Variants in CEP70 observed in about 807,000 individuals in gnomAD.
The protein encoded by CEP70 is centrosomal protein 70, also known as centrosomal protein of 70 kDa.
A neutral mutation model predicts 90.9 loss-of-function variants in CEP70; 70 were observed. The observed-to-expected ratio is 0.77, with a 90% confidence interval of 0.64 to 0.94. The LOEUF is 0.94. Ranked by LOEUF, CEP70 falls within the 40% of genes least tolerant of loss-of-function variation. CEP70 has a pLI of 0.00. For synonymous variants in CEP70, 220 were observed against 228.3 expected (o/e 0.96, Z 0.33); for missense variants, 648 against 669.0 (o/e 0.97, Z 0.35).
chr3:138,577,334 A>G (rs1466734733), intron 2 of CEP70, among the ~76,000 whole-genome samples: 1 of 152,208 alleles, frequency 6.6e-6, no homozygotes, highest in African/African-American at 2.4e-5. Flanking sequence ...TAGAACTTAA[A>G]GTATAATAAA....
intron 2 of CEP70, among the ~76,000 whole-genome samples, chr3:138,573,411 T>G (rs999845133): frequency 1.3e-5 from 2 of 149,646 alleles, no homozygotes; most frequent in African/African-American, 4.9e-5. Context: ...AAAAAAAAAG[T>G]CAGTCATACC....
intron 6 of CEP70, 35 bp downstream of exon 6, chr3:138,570,279 TACTA>T (rs745961896): frequency 2.9e-6 from 4 of 1,369,978 alleles, no homozygotes; most frequent in Non-Finnish European, 4.0e-6. Context: ...GCTGTTTTAG[TACTA>T]ACTAACCATC....
intron 12 of CEP70, among the ~76,000 whole-genome samples, chr3:138,506,099 A>G (rs1286428845): frequency 1.3e-5 from 2 of 152,210 alleles, no homozygotes; most frequent in Non-Finnish European, 2.9e-5. Flanking sequence ...GAAACTCTTC[A>G]CCCTCAAATA....
At chr3:138,546,785 T>C (rs1347946748) in intron 6 of CEP70, among the ~76,000 whole-genome samples, 1 of 151,870 alleles carries the variant, frequency 6.6e-6, no homozygotes, top group East Asian at 1.9e-4. Context: ...CAAAAAACAC[T>C]ATCACCCTTA....
chr3:138,558,331 C>CT (rs2040171879), intron 6 of CEP70, among the ~76,000 whole-genome samples: 1 of 152,114 alleles, frequency 6.6e-6, no homozygotes, highest in Non-Finnish European at 1.5e-5. Flanking sequence ...CACCACTGCA[C>CT]TCCAGGCTGA....
At chr3:138,522,059 T>G (rs552974825) in intron 11 of CEP70, among the ~76,000 whole-genome samples, 1 of 152,290 alleles carries the variant, frequency 6.6e-6, no homozygotes, top group Admixed American at 6.5e-5. Context: ...AAGATGTGCT[T>G]TGTTAAACAG....
intron 8 of CEP70, chr3:138,530,762 C>T (rs1382668325): frequency 3.0e-6 from 3 of 985,284 alleles, no homozygotes; most frequent in Admixed American, 1.2e-4. Flanking sequence ...TGAATTGTTA[C>T]ATCCTCCTGT....
chr3:138,589,388 C>G (rs2042261981), intron 2 of CEP70, among the ~76,000 whole-genome samples: 1 of 151,762 alleles, frequency 6.6e-6, no homozygotes, highest in African/African-American at 2.4e-5. Flanking sequence ...GGCGTAGTGG[C>G]TCATGCCTGT....
intron 7 of CEP70, among the ~76,000 whole-genome samples, chr3:138,535,469 T>C (rs570458642): frequency 6.6e-6 from 1 of 152,360 alleles, no homozygotes; most frequent in South Asian, 2.1e-4. Context: ...ACCAGGTCAC[T>C]GAATGCAGGA....
intron 2 of CEP70, among the ~76,000 whole-genome samples, chr3:138,584,502 C>T (rs1180154494): frequency 7.0e-6 from 1 of 143,644 alleles, no homozygotes; most frequent in Non-Finnish European, 1.5e-5. Flanking sequence ...GAAAAACCTA[C>T]AGGCCAATAT....
Position 138,498,171 on chromosome 3 carries a change from C to T in CEP70, c.1653-61G>A, listed in dbSNP as rs1196131569. Reference sequence around the variant, plus strand: ...AACTTTGGGTTCTTGCATCTGATTGCAAACAGAACATTTTCAAAATAGAAA... The same window carrying T: ...AACTTTGGGTTCTTGCATCTGATTGTAAACAGAACATTTTCAAAATAGAAA... On this transcript the variant is annotated intron_variant, in intron 16 of 17. Coordinates refer to ENST00000264982, the MANE Select transcript of CEP70 (RefSeq NM_024491.4). 3.4e-6 allele frequency: 4 copies of T among 1,163,016 alleles called. No homozygotes were observed. In the African/African-American group the frequency reaches 6.2e-5, roughly 18 times the overall value. 72.0% of individuals were successfully genotyped at this position (1,163,016 alleles called of 1,614,324 possible).
At chr3:138,577,093 G>A (rs968285626) in intron 2 of CEP70, among the ~76,000 whole-genome samples, 4 of 152,112 alleles carry the variant, frequency 2.6e-5, no homozygotes, top group Non-Finnish European at 5.9e-5. Flanking sequence ...ACTATCGCAA[G>A]GATAGAAAAC....
intron 2 of CEP70, among the ~76,000 whole-genome samples, chr3:138,573,786 G>A (rs780771872): frequency 6.6e-6 from 1 of 152,190 alleles, no homozygotes; most frequent in Non-Finnish European, 1.5e-5. Context: ...AGTGTTCTAA[G>A]TTTGTTTACA....
chr3:138,577,909 A>C (rs556661832), intron 2 of CEP70, among the ~76,000 whole-genome samples: 1 of 152,378 alleles, frequency 6.6e-6, no homozygotes, highest in South Asian at 2.1e-4. Context: ...AGCAGTTAAA[A>C]GTAAGAGAAT....
At chr3:138,556,176 A>C (rs2039989343) in intron 6 of CEP70, among the ~76,000 whole-genome samples, 2 of 152,306 alleles carry the variant, frequency 1.3e-5, no homozygotes, top group South Asian at 4.1e-4. Flanking sequence ...GGAATGGAAA[A>C]CTGAACATAT....
chr3:138,571,662 A>C (rs898133177), intron 3 of CEP70, among the ~76,000 whole-genome samples: 1 of 152,236 alleles, frequency 6.6e-6, no homozygotes, highest in African/African-American at 2.4e-5. Flanking sequence ...AATAAATCTA[A>C]GGTTTTAGAT....
intron 6 of CEP70, among the ~76,000 whole-genome samples, chr3:138,550,258 A>T (rs1029432517): frequency 3.9e-5 from 6 of 152,234 alleles, no homozygotes; most frequent in African/African-American, 1.2e-4. Flanking sequence ...TTATTAAGCT[A>T]ATCAAGGAGG....
chr3:138,588,966 A>G, intron 2 of CEP70, among the ~76,000 whole-genome samples: 1 of 152,280 alleles, frequency 6.6e-6, no homozygotes, highest in East Asian at 1.9e-4. Flanking sequence ...GCCATAAAAT[A>G]GTACATACTA....
At chr3:138,579,055 A>T (rs1291492936) in intron 2 of CEP70, among the ~76,000 whole-genome samples, 1 of 152,134 alleles carries the variant, frequency 6.6e-6, no homozygotes, top group African/African-American at 2.4e-5. Context: ...TGGCGCAGAG[A>T]GAGAATCTGT....
Sources: allele counts gnomAD v4.1 joint callset (sites outside exome capture counted in the v4.1 genomes callset), GRCh38; gene constraint gnomAD v4.1.1; transcripts MANE v1.5; gene names NCBI Gene and HGNC (gene_info 2026-07-23, HGNC 2026-07-21).